Variants in ERBB4 observed in about 807,000 individuals in gnomAD.
ERBB4 encodes receptor tyrosine-protein kinase erbB-4.
A neutral mutation model predicts 158.0 loss-of-function variants in ERBB4; 42 were observed. The ratio of observed to expected loss-of-function variants is 0.27; its 90% CI spans 0.21 to 0.34. The LOEUF (loss-of-function observed/expected upper bound fraction) is 0.34, where lower values mean the gene tolerates loss of function less well. ERBB4 is among the 10% of genes least tolerant of loss of function. The pLI is 1.00. For synonymous variants in ERBB4, 583 were observed against 558.7 expected, an observed-to-expected ratio of 1.04 and a Z score of -0.61; for missense variants, 1,333 against 1,624.1, an observed-to-expected ratio of 0.82 and a Z score of 3.08.
At chr2:212,023,174 T>C (rs1199705284) in intron 2 of ERBB4, among the ~76,000 whole-genome samples, 1 of 152,226 alleles carries the variant, frequency 6.6e-6, no homozygotes, top group African/African-American at 2.4e-5. Flanking sequence ...TGAGCCATTA[T>C]ACAACTCAAG....
chr2:211,791,584 G>A (rs896380745), intron 3 of ERBB4, among the ~76,000 whole-genome samples: 1 of 151,954 alleles, frequency 6.6e-6, no homozygotes, highest in African/African-American at 2.4e-5. Flanking sequence ...TTCCACTGCA[G>A]AAAATTATCA....
chr2:211,545,362 G>A (rs924070249), intron 20 of ERBB4, among the ~76,000 whole-genome samples: 3 of 151,932 alleles, frequency 2.0e-5, no homozygotes, highest in Non-Finnish European at 4.4e-5. Flanking sequence ...ATATTGGCTA[G>A]ATTTTTATGG....
intron 15 of ERBB4, among the ~76,000 whole-genome samples, chr2:211,659,136 C>A (rs1254919494): frequency 6.6e-6 from 1 of 152,044 alleles, no homozygotes; most frequent in Non-Finnish European, 1.5e-5. Flanking sequence ...TAACTCTAAA[C>A]ATTGGTGAAC....
intron 20 of ERBB4, among the ~76,000 whole-genome samples, chr2:211,522,612 T>C (rs967758004): frequency 6.6e-6 from 1 of 152,148 alleles, no homozygotes; most frequent in Non-Finnish European, 1.5e-5. Context: ...AGGTAGAATG[T>C]TATCAAACAA....
chr2:211,490,605 T>C (rs2065315817), intron 20 of ERBB4, among the ~76,000 whole-genome samples: 1 of 151,854 alleles, frequency 6.6e-6, no homozygotes, highest in African/African-American at 2.4e-5. Context: ...TATGGAGAGG[T>C]GAAGCATTGG....
chr2:212,034,743 C>T (rs958689442), intron 2 of ERBB4, among the ~76,000 whole-genome samples: 2 of 151,960 alleles, frequency 1.3e-5, no homozygotes, highest in East Asian at 3.9e-4. Context: ...GCCTTTTTCT[C>T]TTATATCATA....
chr2:212,387,453 A>ATT (rs34316082), intron 1 of ERBB4, among the ~76,000 whole-genome samples: 44 of 128,886 alleles, frequency 3.4e-4, no homozygotes, highest in Non-Finnish European at 5.6e-4. Flanking sequence ...GTTAGAACAC[A>ATT]TTTTTTTTTT....
chr2:212,006,199 T>C (rs1401423382), intron 2 of ERBB4, among the ~76,000 whole-genome samples: 1 of 152,146 alleles, frequency 6.6e-6, no homozygotes, highest in Non-Finnish European at 1.5e-5. Context: ...CCCAGAATCT[T>C]TCTAATTATT....
intron 16 of ERBB4, among the ~76,000 whole-genome samples, chr2:211,645,521 TAATA>T (rs2070754443): frequency 1.3e-5 from 2 of 151,800 alleles, no homozygotes; most frequent in Middle Eastern, 3.4e-3. Context: ...TGAAACCAAT[TAATA>T]AATCAACAGA....
chr2:211,413,717 G>A (rs552826974), intron 25 of ERBB4, among the ~76,000 whole-genome samples: 2 of 151,936 alleles, frequency 1.3e-5, no homozygotes, highest in South Asian at 2.1e-4. Flanking sequence ...GCATAGAGGC[G>A]ATGCAGGATT....
intron 19 of ERBB4, among the ~76,000 whole-genome samples, chr2:211,566,756 T>C (rs1204717385): frequency 1.3e-5 from 2 of 152,202 alleles, no homozygotes; most frequent in East Asian, 1.9e-4. Context: ...TTTAATTATA[T>C]ATTTAATTGT....
chr2:211,658,057 A>G, intron 15 of ERBB4: 1 of 1,151,644 alleles, frequency 8.7e-7, no homozygotes, highest in Non-Finnish European at 1.3e-6. Flanking sequence ...AAAAATCAGT[A>G]AAATAAATAT....
intron 5 of ERBB4, among the ~76,000 whole-genome samples, chr2:211,749,291 C>T (rs908557847): frequency 6.6e-6 from 1 of 152,140 alleles, no homozygotes; most frequent in Admixed American, 6.5e-5. Flanking sequence ...TACAAATTCA[C>T]CTCTAGAAAT....
At chr2:211,585,346 C>A (rs1263151229) in intron 19 of ERBB4, among the ~76,000 whole-genome samples, 25 of 80,514 alleles carry the variant, frequency 3.1e-4, no homozygotes, top group Non-Finnish European at 4.3e-4. Flanking sequence ...AGCGAGACTC[C>A]GTCTCAAAAA....
At chr2:211,505,044 A>G (rs2125599305) in intron 20 of ERBB4, among the ~76,000 whole-genome samples, 2 of 152,300 alleles carry the variant, frequency 1.3e-5, no homozygotes, top group South Asian at 4.1e-4. Flanking sequence ...AATAATTCAG[A>G]AAGATTTCCA....
At chr2:212,324,479 GT>G (rs67844263) in intron 1 of ERBB4, among the ~76,000 whole-genome samples, 139 of 83,474 alleles carry the variant, frequency 1.7e-3, no homozygotes, top group African/African-American at 4.1e-3. Flanking sequence ...CGGGTTTTTT[GT>G]TTTTGTTTTT....
At chr2:211,780,904 ATT>A (rs557062154) in intron 4 of ERBB4, among the ~76,000 whole-genome samples, 1 of 152,088 alleles carries the variant, frequency 6.6e-6, no homozygotes, top group South Asian at 2.1e-4. Flanking sequence ...CATTTCCATA[ATT>A]TAGGGTTTTA....
At chr2:212,496,348 A>G (rs762873121) in intron 1 of ERBB4, among the ~76,000 whole-genome samples, 10 of 151,942 alleles carry the variant, frequency 6.6e-5, no homozygotes, top group Non-Finnish European at 1.5e-4. Flanking sequence ...ACGTGCATGC[A>G]TACACACACA....
chr2:212,326,548 C>T (rs1018274260), intron 1 of ERBB4, among the ~76,000 whole-genome samples: 2 of 150,716 alleles, frequency 1.3e-5, no homozygotes, highest in African/African-American at 4.8e-5. Context: ...TACATATTTT[C>T]GCATCACATG....
Sources: allele counts gnomAD v4.1 joint callset (sites outside exome capture counted in the v4.1 genomes callset), GRCh38; gene constraint gnomAD v4.1.1; transcripts MANE v1.5; gene names NCBI Gene and HGNC (gene_info 2026-07-23, HGNC 2026-07-21).